ATP7A: variants seen among roughly 807,000 people sequenced by gnomAD.
The protein encoded by ATP7A is copper-transporting ATPase 1.
ATP7A carries 7 observed loss-of-function variants against 83.5 expected under a neutral mutation model. The observed-to-expected ratio is 0.08, with a 90% CI of 0.05 to 0.16. The LOEUF is 0.16. Ranked by LOEUF, ATP7A falls within the 10% of genes least tolerant of loss-of-function variation. The pLI is 1.00. For missense variants in ATP7A, 940 were observed against 1,120.8 expected, an observed-to-expected ratio of 0.84 and a Z score of 2.30; for synonymous variants, 354 against 395.2, an observed-to-expected ratio of 0.90 and a Z score of 1.24.
intron 21 of ATP7A, among the ~76,000 whole-genome samples, chrX:78,044,552 A>G (rs1028849814): frequency 3.6e-5 from 4 of 111,566 alleles, no homozygotes; most frequent in Non-Finnish European, 7.5e-5. Context: ...TTTTTACTCT[A>G]CATCAGTTTT....
chrX:77,911,968 A>T (rs2077163109), intron 1 of ATP7A, among the ~76,000 whole-genome samples: 1 of 112,165 alleles, frequency 8.9e-6, no homozygotes, highest in Admixed American at 9.5e-5. Flanking sequence ...AAAAATAAAC[A>T]GTTTACATAC....
At chrX:77,918,729 G>A (rs2077196579) in intron 1 of ATP7A, among the ~76,000 whole-genome samples, 2 of 111,359 alleles carry the variant, frequency 1.8e-5, no homozygotes, top group Admixed American at 9.6e-5. Context: ...TTTCATCCAT[G>A]GCTGTTGCAT....
chrX:78,010,906 G>A (rs2077818219), intron 7 of ATP7A, among the ~76,000 whole-genome samples: 1 of 110,781 alleles, frequency 9.0e-6, no homozygotes, highest in Non-Finnish European at 1.9e-5. Flanking sequence ...GCCTATTAAT[G>A]AGAACCTCTA....
chrX:77,950,547 G>C (rs1295604294), intron 1 of ATP7A, among the ~76,000 whole-genome samples: 1 of 111,574 alleles, frequency 9.0e-6, no homozygotes, highest in Non-Finnish European at 1.9e-5. Flanking sequence ...GGGGAATGAG[G>C]TATCTTAGCT....
chrX:78,008,612 AT>A (rs1288517538), intron 6 of ATP7A, among the ~76,000 whole-genome samples: 1 of 111,358 alleles, frequency 9.0e-6, no homozygotes, highest in Non-Finnish European at 1.9e-5. Context: ...AGTGACAGGA[AT>A]TTGGAGACTT....
At chrX:77,966,367 T>C (rs781788824) in intron 1 of ATP7A, among the ~76,000 whole-genome samples, 1 of 112,393 alleles carries the variant, frequency 8.9e-6, no homozygotes, top group Admixed American at 9.4e-5. Flanking sequence ...GTTTCTTAGA[T>C]ATGACACAAA....
intron 2 of ATP7A, among the ~76,000 whole-genome samples, chrX:77,977,265 C>A (rs186861246): frequency 5.5e-4 from 61 of 111,651 alleles, no homozygotes; most frequent in African/African-American, 1.9e-3. Flanking sequence ...ACTAATTAAA[C>A]CTCCTCCACT....
At chrX:77,939,332 G>A (rs1557225390) in intron 1 of ATP7A, among the ~76,000 whole-genome samples, 1 of 109,451 alleles carries the variant, frequency 9.1e-6, no homozygotes, top group Non-Finnish European at 1.9e-5. Flanking sequence ...ACTTATTTTT[G>A]CTCTGATGAA....
intron 1 of ATP7A, among the ~76,000 whole-genome samples, chrX:77,939,191 G>A (rs1228228522): frequency 9.0e-6 from 1 of 110,511 alleles, no homozygotes. Context: ...CAGCTACTCA[G>A]GAGGCTGAGG....
At chrX:77,946,169 G>T (rs2077377834) in intron 1 of ATP7A, among the ~76,000 whole-genome samples, 1 of 109,458 alleles carries the variant, frequency 9.1e-6, no homozygotes, top group Non-Finnish European at 1.9e-5. Context: ...GGTGTTGGTG[G>T]CACGTGTCTG....
chrX:77,977,864 GCTT>G (rs1322878740), intron 2 of ATP7A, among the ~76,000 whole-genome samples: 1 of 112,030 alleles, frequency 8.9e-6, no homozygotes. Flanking sequence ...TTTCAGCTCT[GCTT>G]CTCCTCTTTC....
chrX:77,932,470 G>A (rs1281329702), intron 1 of ATP7A, among the ~76,000 whole-genome samples: 7 of 112,361 alleles, frequency 6.2e-5, no homozygotes, highest in South Asian at 7.3e-4. Context: ...ATGGGCGGCC[G>A]GGCAGAGACA....
Position 78,045,518 on chromosome X carries a change from C to G in ATP7A, c.4172C>G (p.Ala1391Gly). 1 of 1,211,652 alleles carries G rather than the reference C, an allele frequency of 8.3e-7. No homozygotes were observed. Among genetic ancestry groups the G allele is most frequent in the East Asian group, 3.0e-5 (1 of 33,874 alleles). ...GTTTTGCAGCCCTGGATGGGATCTG[C>G]AGCAATGGCTGCTTCATCTGTTTCT... The part of the protein sequence containing the change: ...GLVLQPWMGS[A>G]AMAASSVSVV... The change falls in exon 22 of 23, where the codon GCA becomes GGA. Residue 1391 changes from alanine to glycine, a missense_variant. Around this residue, in one of 3 missense-constraint regions of ATP7A, gnomAD observed 386 missense variants for 502.2 expected, o/e 0.77. Coordinates refer to ENST00000341514, the MANE Select transcript of ATP7A (RefSeq NM_000052.7).
chrX:77,986,960 C>A (rs1054386257), intron 2 of ATP7A, among the ~76,000 whole-genome samples: 2 of 111,792 alleles, frequency 1.8e-5, no homozygotes, highest in Non-Finnish European at 3.8e-5. Context: ...GCATATAGAA[C>A]CCCATAATAG....
At chrX:78,037,288 GC>G (rs1557237842) in intron 17 of ATP7A, among the ~76,000 whole-genome samples, 1 of 112,164 alleles carries the variant, frequency 8.9e-6, no homozygotes, top group Non-Finnish European at 1.9e-5. Context: ...TAGGAAAATA[GC>G]CACTAATTAT....
chrX:77,918,370 T>C (rs2077195086), intron 1 of ATP7A, among the ~76,000 whole-genome samples: 1 of 111,287 alleles, frequency 9.0e-6, no homozygotes, highest in East Asian at 2.8e-4. Context: ...CCATCATGCA[T>C]AGCTGCTTAT....
At chrX:78,009,845 T>A (rs1174323378) in intron 7 of ATP7A, among the ~76,000 whole-genome samples, 1 of 112,028 alleles carries the variant, frequency 8.9e-6, no homozygotes, top group East Asian at 2.8e-4. Flanking sequence ...CCCATAGTAT[T>A]AATCACACGA....
chrX:77,925,334 T>TAATGC (rs781985048), intron 1 of ATP7A, among the ~76,000 whole-genome samples: 1 of 112,191 alleles, frequency 8.9e-6, no homozygotes, highest in South Asian at 3.7e-4. Flanking sequence ...TAACTTTGCA[T>TAATGC]AATCACCAAG....
chrX:77,923,180 G>C (rs959587056), intron 1 of ATP7A: 1 of 112,194 alleles, frequency 8.9e-6, no homozygotes, highest in Non-Finnish European at 1.9e-5. Context: ...ATTTATGAAA[G>C]ACTTATTGGT....
Sources: gnomAD v4.1 joint callset for allele counts (sites outside exome capture counted in the v4.1 genomes callset) on GRCh38, gnomAD v4.1.1 for gene constraint, gnomAD v4.1.1 regional missense constraint, MANE v1.5 for transcripts, NCBI Gene and HGNC (gene_info 2026-07-23, HGNC 2026-07-21) for gene names.